SATL1: variants seen among roughly 807,000 people sequenced by gnomAD.
The protein encoded by SATL1 is spermidine/spermine N(1)-acetyltransferase-like protein 1.
A neutral mutation model predicts 51.8 loss-of-function variants in SATL1; 47 were observed. The ratio of observed to expected loss-of-function variants is 0.91; its 90% CI spans 0.72 to 1.16. SATL1 has a LOEUF of 1.16. Ranked by LOEUF, SATL1 falls within the 50% of genes most tolerant of loss-of-function variation. The pLI, the probability that SATL1 is intolerant of heterozygous loss-of-function variation, is 0.00. For missense variants in SATL1, 520 were observed against 526.4 expected (o/e 0.99, Z 0.12); for synonymous variants, 176 against 182.4 (o/e 0.97, Z 0.28).
chrX:85,205,895 T>C (rs969553013), intron 2 of SATL1, among the ~76,000 whole-genome samples: 1 of 111,086 alleles, frequency 9.0e-6, no homozygotes, highest in South Asian at 3.8e-4. Flanking sequence ...GTGGTGACAA[T>C]GGAGATAGAG....
At chrX:85,134,401 T>C (rs1337278528) in intron 2 of SATL1, among the ~76,000 whole-genome samples, 1 of 111,813 alleles carries the variant, frequency 8.9e-6, no homozygotes. Context: ...TACTTAACCA[T>C]TCATTCAAAA....
intron 2 of SATL1, among the ~76,000 whole-genome samples, chrX:85,125,772 T>C (rs1336750166): frequency 9.1e-6 from 1 of 109,805 alleles, no homozygotes; most frequent in African/African-American, 3.3e-5. Context: ...AATCCATTAT[T>C]GAATCATTCA....
chrX:85,157,516 AC>A (rs761069372), intron 2 of SATL1, among the ~76,000 whole-genome samples: 3 of 111,221 alleles, frequency 2.7e-5, no homozygotes, highest in Non-Finnish European at 1.9e-5. Flanking sequence ...GGTAGGAGAC[AC>A]CTTTCTTTTT....
chrX:85,163,520 C>A (rs916114378), intron 2 of SATL1, among the ~76,000 whole-genome samples: 2 of 110,945 alleles, frequency 1.8e-5, no homozygotes, highest in Non-Finnish European at 3.8e-5. Context: ...CATTGTTGAC[C>A]CAAAGTTCAT....
intron 2 of SATL1, among the ~76,000 whole-genome samples, chrX:85,169,354 A>G (rs1926920972): frequency 9.0e-6 from 1 of 111,686 alleles, no homozygotes; most frequent in Non-Finnish European, 1.9e-5. Context: ...ATGGGTAAAA[A>G]TATTTGTAAG....
At chrX:85,217,979 A>G (rs17325033) in intron 2 of SATL1, among the ~76,000 whole-genome samples, 12,168 of 111,233 alleles carry the variant, frequency 0.11, 574 homozygotes, top group South Asian at 0.18. Context: ...AATATAAAAA[A>G]TTCTCACCAT....
At chrX:85,171,256 T>A (rs1268485838) in intron 2 of SATL1, among the ~76,000 whole-genome samples, 2 of 111,189 alleles carry the variant, frequency 1.8e-5, no homozygotes, top group Non-Finnish European at 3.8e-5. Context: ...ACTAAATATT[T>A]CTTTTATTGT....
At position 85,227,079 on chromosome X, in the gene SATL1, C is replaced by T. The variant is rs151304267; in HGVS notation, c.-434-2753G>A. ...TTCCCTACTTTAACCTACCTCCATA[C>T]AGGTGAAGGTGATTTTTAAAAAGCA... On this transcript the variant is annotated intron_variant, in intron 1 of 7. Coordinates refer to ENST00000644105, the MANE Select transcript of SATL1 (RefSeq NM_001367857.2). 1.3e-4 allele frequency among the ~76,000 whole-genome samples: 14 copies of T among 111,387 alleles called. No homozygotes were observed. The East Asian group carries it at 3.4e-3, about 27-fold the overall frequency.
intron 1 of SATL1, among the ~76,000 whole-genome samples, chrX:85,232,632 C>T (rs1325872251): frequency 3.6e-5 from 4 of 111,132 alleles, no homozygotes; most frequent in Admixed American, 9.5e-5. Flanking sequence ...GGGCCTTGAG[C>T]GAACATTGGT....
At chrX:85,195,053 T>C (rs1272434137) in intron 2 of SATL1, among the ~76,000 whole-genome samples, 1 of 109,981 alleles carries the variant, frequency 9.1e-6, no homozygotes, top group Non-Finnish European at 1.9e-5. Context: ...AAGACAACAG[T>C]TTTGACCCTG....
chrX:85,157,545 C>T (rs1405963021), intron 2 of SATL1, among the ~76,000 whole-genome samples: 2 of 111,094 alleles, frequency 1.8e-5, no homozygotes, highest in African/African-American at 3.3e-5. Flanking sequence ...TTCACTTTTT[C>T]TTAGTCTCCC....
chrX:85,156,813 TTATATATATA>T lies in SATL1; in HGVS notation c.-312-47543_-312-47534del, dbSNP rs71933802. ...TACAAGGATTTGAACCATGTGGAGA[TTATATATATA>T]TATATATATATATATATATATATAT... On this transcript the variant is annotated intron_variant, in intron 2 of 7. Transcript: ENST00000644105. Among the ~76,000 whole-genome samples the T allele has an allele frequency of 6.1e-3, 380 of 62,088 alleles. 1 individual carries two copies. Among genetic ancestry groups the T allele is most frequent in the African/African-American group, 0.012 (152 of 12,321 alleles). 53.9% of individuals were successfully genotyped at this position (62,088 alleles called of 115,157 possible). A position where few individuals can be genotyped will look rare whatever the true frequency, so the allele number is the denominator to read the frequency against.
At chrX:85,159,664 A>T (rs1321125614) in intron 2 of SATL1, among the ~76,000 whole-genome samples, 2 of 111,585 alleles carry the variant, frequency 1.8e-5, no homozygotes, top group East Asian at 5.6e-4. Flanking sequence ...AAATAGTACA[A>T]CGTTTTGCTT....
chrX:85,220,644 TAAAAAAAAAAAAAAAAAA>T lies in SATL1; in HGVS notation c.-313+3543_-313+3560del, dbSNP rs57383092. Among the ~76,000 whole-genome samples the T allele has an allele frequency of 7.7e-3, 185 of 24,151 alleles. 3 individuals carry two copies. Among genetic ancestry groups the T allele is most frequent in the South Asian group, 0.018 (4 of 225 alleles). 21.0% of individuals were successfully genotyped at this position (24,151 alleles called of 115,157 possible). A position where few individuals can be genotyped will look rare whatever the true frequency, so the allele number is the denominator to read the frequency against. ...TAGCTCCCAGGCAGCACTTCTGTGT[TAAAAAAAAAAAAAAAAAA>T]AAAAAAAAAAAAAAAAAAAAAAAAA... On this transcript the variant is annotated intron_variant, in intron 2 of 7. Transcript: ENST00000644105.
At chrX:85,210,922 T>A (rs1250516283) in intron 2 of SATL1, 1 of 111,586 alleles carries the variant, frequency 9.0e-6, no homozygotes, top group East Asian at 2.8e-4. Flanking sequence ...GTCTGTCTTT[T>A]TTTTCCTGTT....
At chrX:85,218,730 T>C (rs1911450979) in intron 2 of SATL1, among the ~76,000 whole-genome samples, 1 of 111,484 alleles carries the variant, frequency 9.0e-6, no homozygotes, top group East Asian at 2.8e-4. Flanking sequence ...TATAGTATGA[T>C]AAAAAAAAGA....
intron 2 of SATL1, chrX:85,219,454 T>C (rs943022207): frequency 1.8e-5 from 2 of 111,746 alleles, no homozygotes; most frequent in African/African-American, 3.3e-5. Flanking sequence ...TGGCAGATGT[T>C]TATTATCACC....
At chrX:85,114,953 G>A (rs1321656253) in intron 2 of SATL1, among the ~76,000 whole-genome samples, 1 of 111,585 alleles carries the variant, frequency 9.0e-6, no homozygotes, top group East Asian at 2.8e-4. Flanking sequence ...GAGATGAGTA[G>A]CCTATTTTTT....
chrX:85,142,768 G>A (rs1926141029), intron 2 of SATL1: 1 of 111,096 alleles, frequency 9.0e-6, no homozygotes, highest in Non-Finnish European at 1.9e-5. Context: ...TGGATCTAAG[G>A]AGAAAAAGAG....
Sources: gnomAD v4.1 joint callset for allele counts (sites outside exome capture counted in the v4.1 genomes callset) on GRCh38, gnomAD v4.1.1 for gene constraint, MANE v1.5 for transcripts, NCBI Gene and HGNC (gene_info 2026-07-23, HGNC 2026-07-21) for gene names.